ASPM: variants seen among roughly 807,000 people sequenced by gnomAD.
The protein encoded by ASPM is abnormal spindle-like microcephaly-associated protein.
Under a neutral mutation model 366.4 loss-of-function variants are expected in ASPM, and 256 were observed. The observed-to-expected ratio is 0.70, with a 90% CI of 0.63 to 0.77. The LOEUF (loss-of-function observed/expected upper bound fraction) is 0.77. Among genes scored for constraint, ASPM ranks in the 30% least tolerant of loss-of-function variants. ASPM has a pLI of 0.00. For synonymous variants in ASPM, 1,414 were observed against 1,342.9 expected (o/e 1.05, Z -1.16); for missense variants, 4,146 against 4,090.4 (o/e 1.01, Z -0.37).
intron 13 of ASPM, 145 bp downstream of exon 13, chr1:197,123,965 T>C (rs1657996906): frequency 2.9e-6 from 2 of 679,132 alleles, no homozygotes; most frequent in Admixed American, 2.8e-5. Context: ...CAGTGTATGA[T>C]AAAACATTCA....
At chr1:197,132,191 T>A in intron 7 of ASPM, 94 bp downstream of exon 7, 1 of 1,021,418 alleles carries the variant, frequency 9.8e-7, no homozygotes, top group South Asian at 1.7e-5. Context: ...TTTCAACTTT[T>A]ATAAGTAAAA....
Position 197,142,909 on chromosome 1 carries a change from T to C in ASPM, c.1343A>G (p.Lys448Arg), listed in dbSNP as rs1479941857. ...IPECQGSKSP[K>R]AIFEELVEMK... ...TTCTACTAGTTCTTCAAAAATAGCTTTGGGAGATTTTGAACCCTGACATTC... is the reference window on the plus strand; with the variant it reads ...TTCTACTAGTTCTTCAAAAATAGCTCTGGGAGATTTTGAACCCTGACATTC... Residue 448 changes from lysine (K) to arginine (R), a missense_variant, in exon 3 of 28, where the codon AAA (lysine) becomes AGA (arginine). Around this residue, in one of 3 missense-constraint regions of ASPM, gnomAD observed 3,624 missense variants for 3,591.7 expected, o/e 1.01. Transcript: ENST00000367409. 1.2e-6 allele frequency: 2 copies of C among 1,613,660 alleles called. No individual in the cohort carries two copies. The highest frequency in any genetic ancestry group is 3.3e-5 in the Admixed American group (2 of 59,994).
rs752967533 is a variant in ASPM at position 197,146,069 on chromosome 1, C to T, written c.297+72G>A. 133 of 1,589,420 alleles carry T rather than the reference C, an allele frequency of 8.4e-5. 1 individual carries two copies. Among genetic ancestry groups the T allele is most frequent in the Non-Finnish European group, 1.1e-4 (130 of 1,158,282 alleles). ...ATTTCTTCTCCAATCGTCAACCTTC[C>T]TGAGGAGGGTGGCAGGAAAGATAGC... On this transcript the variant is annotated intron_variant, in intron 1 of 27. Transcript: ENST00000367409.
chr1:197,120,628 T>C (rs1450168255), intron 16 of ASPM, among the ~76,000 whole-genome samples: 2 of 152,156 alleles, frequency 1.3e-5, no homozygotes, highest in Non-Finnish European at 2.9e-5. Flanking sequence ...AAAACTCTCA[T>C]TTAATGCAAT....
At position 197,101,914 on chromosome 1, in the gene ASPM, C is replaced by T. The variant is rs1241913649; in HGVS notation, c.7337G>A (p.Cys2446Tyr). The T allele has an allele frequency of 1.9e-6, 3 of 1,612,624 alleles. No individual in the cohort carries two copies. The highest frequency in any genetic ancestry group is 1.7e-6 in the Non-Finnish European group (2 of 1,179,256). ...GAATTGGTACAATTTATGTTTGGCA[C>T]AAATGGTGGCTCGATATTTCCTCTG... ...FVQRKYRATI[C>Y]AKHKLYQFLH... is the part of the protein sequence containing the mutation. Residue 2446 changes from cysteine to tyrosine, a missense_variant, in exon 18 of 28, where the codon TGT becomes TAT. Physicochemically the swap from Cys to Tyr is radical, Grantham distance 194. Coordinates refer to ENST00000367409, the MANE Select transcript of ASPM (RefSeq NM_018136.5).
intron 2 of ASPM, 53 bp downstream of exon 2, chr1:197,143,900 TTTTA>T (rs1229071164): frequency 6.4e-7 from 1 of 1,551,182 alleles, no homozygotes; most frequent in Non-Finnish European, 8.8e-7. Flanking sequence ...TCAAAATAAG[TTTTA>T]TTTATTATTA....
chr1:197,094,176 A>AT lies in ASPM; in HGVS notation c.8991_8992insA (p.Leu2998IlefsTer25). 2 of 1,597,444 alleles carry AT rather than the reference A, an allele frequency of 1.3e-6. No homozygotes were observed. Among genetic ancestry groups the AT allele is most frequent in the Non-Finnish European group, 1.7e-6 (2 of 1,167,792 alleles). Reference sequence around the variant, plus strand: ...ATAATTGCTGATGCTCTCACATTCAAAAACCTAAAAAGTAGTTATTGGAAA... The same window carrying AT: ...ATAATTGCTGATGCTCTCACATTCAATAAACCTAAAAAGTAGTTATTGGAAA... On this transcript the variant is annotated frameshift_variant, in exon 20 of 28. Coordinates refer to ENST00000367409, the MANE Select transcript of ASPM (RefSeq NM_018136.5). LOFTEE classifies it high-confidence loss of function.
intron 9 of ASPM, 37 bp downstream of exon 9, chr1:197,129,150 G>T: frequency 6.3e-7 from 1 of 1,595,890 alleles, no homozygotes; most frequent in African/African-American, 1.3e-5. Flanking sequence ...TCGTAAATGG[G>T]AAATATAAAA....
Position 197,094,076 on chromosome 1 carries a change from A to T in ASPM, c.9084+8T>A, listed in dbSNP as rs1379627018. ...TTATTTGCAAGTGAATTAATTTTTA[A>T]TACCTACTTTTATCATTAAGAAGTG... On this transcript the variant is annotated splice_region_variant and intron_variant, in intron 20 of 27. Coordinates refer to ENST00000367409, the MANE Select transcript of ASPM (RefSeq NM_018136.5). The T allele has an allele frequency of 3.3e-6, 5 of 1,501,026 alleles. No individual in the cohort carries two copies. The African/African-American group carries it at 5.5e-5, about 17-fold the overall frequency. The allele number at this position is 1,501,026 out of a possible 1,614,324, so 93.0% of individuals were successfully genotyped here.
In ASPM at chr1:197,089,871, A is replaced by G. The variant is rs117175520; in HGVS notation, c.9984+59T>C. The G allele has an allele frequency of 5.4e-4, 831 of 1,549,988 alleles. 8 individuals are homozygous for G. The East Asian group carries it at 0.018, about 33-fold the overall frequency. ...CCTAGTGATGAGTAAACCCAAACTT[A>G]ATTTGCAGGGGCATATTTGTTGACC... On this transcript the variant is annotated intron_variant, in intron 25 of 27. Transcript: ENST00000367409.
chr1:197,135,779 C>T (rs918143651), intron 4 of ASPM, among the ~76,000 whole-genome samples: 2 of 151,756 alleles, frequency 1.3e-5, no homozygotes, highest in Non-Finnish European at 2.9e-5. Context: ...GGCAAAACCC[C>T]GTCTCTACCA....
chr1:197,115,126 C>A (rs779618940), intron 17 of ASPM, among the ~76,000 whole-genome samples: 30 of 152,166 alleles, frequency 2.0e-4, no homozygotes, highest in Admixed American at 6.6e-4. Flanking sequence ...CATCCTCCCA[C>A]CTCAGCCTCC....
intron 17 of ASPM, 70 bp downstream of exon 17, chr1:197,117,719 C>A (rs950275568): frequency 4.6e-6 from 6 of 1,301,878 alleles, no homozygotes; most frequent in Non-Finnish European, 6.5e-6. Flanking sequence ...AACTTCATCA[C>A]ATTTTGCCTT....
chr1:197,106,214 C>T (rs1346266244), intron 17 of ASPM, among the ~76,000 whole-genome samples: 1 of 151,974 alleles, frequency 6.6e-6, no homozygotes, highest in African/African-American at 2.4e-5. Flanking sequence ...TTATTGTCTT[C>T]TTCCTCTACT....
At chr1:197,145,207 C>T (rs1234502049) in intron 1 of ASPM, among the ~76,000 whole-genome samples, 3 of 152,154 alleles carry the variant, frequency 2.0e-5, no homozygotes, top group African/African-American at 7.2e-5. Context: ...TAACGGTTTT[C>T]ATACTTTTGG....
chr1:197,103,700 T>C lies in ASPM; in HGVS notation c.5551A>G (p.Ile1851Val), dbSNP rs200704986. ...CTGTACCATCTCTGAATCTTTATTA[T>C]AGATTGAAGCACAGATTGATATTTT... ...RVKYQSVLQS[I>V]IKIQRWYRAY... The change falls in exon 18 of 28, where the codon ATA (isoleucine) becomes GTA (valine). Residue 1851 changes from isoleucine to valine, a missense_variant. Transcript: ENST00000367409. 3.0e-5 allele frequency: 49 copies of C among 1,612,772 alleles called. No homozygotes were observed. Among genetic ancestry groups the C allele is most frequent in the Non-Finnish European group, 3.8e-5 (45 of 1,179,344 alleles).
At position 197,090,957 on chromosome 1, in the gene ASPM, A is replaced by G. The variant is rs1254782774; in HGVS notation, c.9529T>C (p.Cys3177Arg). Residue 3177 changes from cysteine (C) to arginine (R), a missense_variant, in exon 23 of 28, where the codon TGT (cysteine) becomes CGT (arginine). Physicochemically the swap from Cys to Arg is radical, Grantham distance 180. Transcript: ENST00000367409. ...GCAGCCCTATTTCGCTGGCTCAGACATTCTTGACCTTCATGCTCAATCTTT... is the reference window on the plus strand; with the variant it reads ...GCAGCCCTATTTCGCTGGCTCAGACGTTCTTGACCTTCATGCTCAATCTTT... ...IKKIEHEGQE[C>R]LSQRNRAASV... 2 of 1,613,116 alleles carry G rather than the reference A, an allele frequency of 1.2e-6. No homozygotes were observed. The highest frequency in any genetic ancestry group is 1.7e-5 in the Admixed American group (1 of 59,960).
At chr1:197,087,972 C>G (rs1234036609) in intron 26 of ASPM, among the ~76,000 whole-genome samples, 1 of 152,018 alleles carries the variant, frequency 6.6e-6, no homozygotes, top group Non-Finnish European at 1.5e-5. Context: ...GAAGTTATAC[C>G]TATCTGGTTT....
At position 197,122,644 on chromosome 1, in the gene ASPM, T is replaced by C. The variant is rs1571615048; in HGVS notation, c.3391-49A>G. The stretch of plus-strand genomic sequence containing the variant: ...AATTAACCGCATTTAGAAAGTAGTA[T>C]AGACATAATGGTTTGCAGAATACCT... On this transcript the variant is annotated intron_variant, in intron 13 of 27. Coordinates refer to ENST00000367409, the MANE Select transcript of ASPM (RefSeq NM_018136.5). 5.4e-6 allele frequency: 8 copies of C among 1,482,790 alleles called. No homozygotes were observed. In the South Asian group the frequency reaches 7.3e-5, roughly 13 times the overall value. The allele number at this position is 1,482,790 out of a possible 1,614,324, so 91.9% of individuals were successfully genotyped here. A position where few individuals can be genotyped will look rare whatever the true frequency, so the allele number is the denominator to read the frequency against.
Sources: gnomAD v4.1 joint callset for allele counts (sites outside exome capture counted in the v4.1 genomes callset) on GRCh38, gnomAD v4.1.1 for gene constraint, gnomAD v4.1.1 regional missense constraint, MANE v1.5 for transcripts, NCBI Gene and HGNC (gene_info 2026-07-23, HGNC 2026-07-21) for gene names.